Variants in PUM2 observed in about 807,000 individuals in gnomAD.
PUM2 encodes the protein pumilio RNA binding family member 2.
PUM2 carries 57 observed loss-of-function variants against 124.5 expected under a neutral mutation model. The ratio of observed to expected loss-of-function variants is 0.46; its 90% CI spans 0.37 to 0.57. The LOEUF is 0.57. Among genes scored for constraint, PUM2 ranks in the 20% least tolerant of loss-of-function variants. The pLI, the probability that PUM2 is intolerant of heterozygous loss-of-function variation, is 0.00. For synonymous variants in PUM2, 460 were observed against 446.1 expected, an observed-to-expected ratio of 1.03 and a Z score of -0.39; for missense variants, 1,065 against 1,290.6, an observed-to-expected ratio of 0.83 and a Z score of 2.68.
intron 10 of PUM2, among the ~76,000 whole-genome samples, chr2:20,285,196 G>C (rs928944809): frequency 6.6e-6 from 1 of 152,146 alleles, no homozygotes; most frequent in African/African-American, 2.4e-5. Flanking sequence ...ACTCAACTCT[G>C]AAGTCCTGTT....
chr2:20,281,146 GGA>G (rs1401967222), intron 12 of PUM2, among the ~76,000 whole-genome samples: 1 of 152,132 alleles, frequency 6.6e-6, no homozygotes, highest in Non-Finnish European at 1.5e-5. Context: ...ATGCCCAAGA[GGA>G]GAGATACGAT....
At chr2:20,344,968 G>A (rs1399951053) in intron 1 of PUM2, among the ~76,000 whole-genome samples, 2 of 137,260 alleles carry the variant, frequency 1.5e-5, no homozygotes, top group Non-Finnish European at 3.1e-5. Context: ...GAGCAACGGA[G>A]GGAGACTCTG....
At chr2:20,320,879 G>C (rs754133423) in intron 2 of PUM2, among the ~76,000 whole-genome samples, 13 of 151,914 alleles carry the variant, frequency 8.6e-5, no homozygotes, top group Non-Finnish European at 1.9e-4. Flanking sequence ...TACTGTATAA[G>C]CCATTCCAAG....
chr2:20,288,485 AG>A (rs1199763789), intron 10 of PUM2, among the ~76,000 whole-genome samples: 4 of 152,260 alleles, frequency 2.6e-5, no homozygotes, highest in Non-Finnish European at 5.9e-5. Context: ...ATAGTCCATG[AG>A]GGAAGCAGAG....
intron 1 of PUM2, among the ~76,000 whole-genome samples, chr2:20,328,942 C>G (rs371208268): frequency 1.3e-5 from 2 of 152,166 alleles, no homozygotes; most frequent in African/African-American, 4.8e-5. Flanking sequence ...GAAGCCGAGG[C>G]AGGTGGATTA....
intron 1 of PUM2, among the ~76,000 whole-genome samples, chr2:20,327,924 C>T (rs1384721527): frequency 6.6e-6 from 1 of 152,192 alleles, no homozygotes; most frequent in Non-Finnish European, 1.5e-5. Flanking sequence ...GACGCCTGAA[C>T]TGCACATATG....
At position 20,350,619 on chromosome 2, in the gene PUM2, C is replaced by CT; in HGVS notation, c.-42dup. The CT allele has an allele frequency of 1.8e-5, 18 of 985,492 alleles. No individual in the cohort carries two copies. Among genetic ancestry groups the CT allele is most frequent in the Non-Finnish European group, 2.2e-5 (18 of 830,002 alleles). 61.0% of individuals were successfully genotyped at this position (985,492 alleles called of 1,614,324 possible). A position where few individuals can be genotyped will look rare whatever the true frequency, so the allele number is the denominator to read the frequency against. On this transcript the variant is annotated 5_prime_UTR_variant, in exon 1 of 21. Coordinates refer to ENST00000361078, the MANE Select transcript of PUM2 (RefSeq NM_015317.5). Reference sequence around the variant, plus strand: ...TACAGGGCTGCTGCGGCCGCGCTGCCTCAGCCGGGGACACCGACCGTTGGG... The same window carrying CT: ...TACAGGGCTGCTGCGGCCGCGCTGCCTTCAGCCGGGGACACCGACCGTTGGG...
At chr2:20,292,705 C>T (rs992973230) in intron 9 of PUM2, among the ~76,000 whole-genome samples, 2 of 152,084 alleles carry the variant, frequency 1.3e-5, no homozygotes, top group Non-Finnish European at 2.9e-5. Context: ...CCAAGGCAGG[C>T]GGATCACCTG....
intron 1 of PUM2, among the ~76,000 whole-genome samples, chr2:20,343,532 T>C (rs1285192960): frequency 6.6e-6 from 1 of 152,242 alleles, no homozygotes; most frequent in Admixed American, 6.5e-5. Flanking sequence ...ACAGTAGGTA[T>C]GTACAATTCT....
chr2:20,336,748 C>CTGTGTG lies in PUM2; in HGVS notation c.-18-9376_-18-9371dup, dbSNP rs70939037. Among the ~76,000 whole-genome samples the CTGTGTG allele has an allele frequency of 6.9e-3, 669 of 97,462 alleles. 6 individuals are homozygous for CTGTGTG. Among genetic ancestry groups the CTGTGTG allele is most frequent in the African/African-American group, 0.013 (295 of 23,132 alleles). The allele number at this position is 97,462 out of a possible 152,430, so 63.9% of individuals were successfully genotyped here. On this transcript the variant is annotated intron_variant, in intron 1 of 20. Coordinates refer to ENST00000361078, the MANE Select transcript of PUM2 (RefSeq NM_015317.5). ...GTCTCACCATGTTGCCCAGGCTGAT[C>CTGTGTG]TGTGTGTGTGTGTGTGTGTGTGTGT...
intron 1 of PUM2, among the ~76,000 whole-genome samples, chr2:20,332,364 A>G (rs1354081672): frequency 6.7e-6 from 1 of 148,594 alleles, no homozygotes; most frequent in Non-Finnish European, 1.5e-5. Flanking sequence ...AATGGAGGTA[A>G]TTTTATTATC....
At chr2:20,302,509 C>A (rs546704428) in intron 7 of PUM2, among the ~76,000 whole-genome samples, 1 of 152,132 alleles carries the variant, frequency 6.6e-6, no homozygotes, top group Non-Finnish European at 1.5e-5. Context: ...ACCGCCCCCC[C>A]AAGTTATTTT....
intron 1 of PUM2, among the ~76,000 whole-genome samples, chr2:20,340,577 G>C (rs1687029999): frequency 6.6e-6 from 1 of 152,218 alleles, no homozygotes; most frequent in East Asian, 1.9e-4. Context: ...ATAAACTACA[G>C]TTGCTCAGGT....
At chr2:20,300,126 C>G (rs899238588) in intron 7 of PUM2, among the ~76,000 whole-genome samples, 2 of 151,754 alleles carry the variant, frequency 1.3e-5, no homozygotes, top group Non-Finnish European at 2.9e-5. Flanking sequence ...CTTCCCATCA[C>G]AGCCTGAACC....
At chr2:20,300,175 G>A (rs970661527) in intron 7 of PUM2, among the ~76,000 whole-genome samples, 1 of 150,884 alleles carries the variant, frequency 6.6e-6, no homozygotes, top group Non-Finnish European at 1.5e-5. Context: ...TTGAGACAGA[G>A]TTTCGCTCTT....
chr2:20,341,250 C>T (rs1687169307), intron 1 of PUM2, among the ~76,000 whole-genome samples: 1 of 151,756 alleles, frequency 6.6e-6, no homozygotes, highest in South Asian at 2.1e-4. Context: ...CTTAAACAAA[C>T]AGCACCAACA....
chr2:20,326,184 G>C, intron 2 of PUM2: 1 of 1,152,380 alleles, frequency 8.7e-7, no homozygotes, highest in South Asian at 1.5e-5. Context: ...ATTTTTCTTA[G>C]GGTTGAGAAT....
chr2:20,342,971 A>T (rs10460450), intron 1 of PUM2, among the ~76,000 whole-genome samples: 44,586 of 151,862 alleles, frequency 0.29, 6,764 homozygotes, highest in Middle Eastern at 0.36. Flanking sequence ...AATCATATAT[A>T]TATTTATAGA....
intron 3 of PUM2, among the ~76,000 whole-genome samples, chr2:20,316,612 T>C (rs931587635): frequency 6.6e-6 from 1 of 152,156 alleles, no homozygotes; most frequent in South Asian, 2.1e-4. Context: ...GCTAACTACT[T>C]TAATACAACT....
Sources: gnomAD v4.1 joint callset for allele counts (sites outside exome capture counted in the v4.1 genomes callset) on GRCh38, gnomAD v4.1.1 for gene constraint, MANE v1.5 for transcripts, NCBI Gene and HGNC (gene_info 2026-07-23, HGNC 2026-07-21) for gene names.